The following PRELID2 variants were observed in gnomAD, a reference collection of about 807,000 sequenced individuals.
PRELID2 encodes PRELI domain-containing protein 2.
A neutral mutation model predicts 28.4 loss-of-function variants in PRELID2; 25 were observed. The observed-to-expected ratio is 0.88, with a 90% confidence interval of 0.64 to 1.23. The LOEUF (loss-of-function observed/expected upper bound fraction) is 1.23. PRELID2 is among the 50% of genes most tolerant of loss of function. The pLI, the probability that PRELID2 is intolerant of heterozygous loss-of-function variation, is 0.00. For synonymous variants in PRELID2, 76 were observed against 71.6 expected (o/e 1.06, Z -0.31); for missense variants, 201 against 214.4 (o/e 0.94, Z 0.39).
chr5:145,817,845 T>C, intron 4 of PRELID2, 49 bp downstream of exon 4: 1 of 1,443,666 alleles, frequency 6.9e-7, no homozygotes, highest in Non-Finnish European at 9.2e-7. Context: ...TGTACTCATG[T>C]GTCCATCCCT....
the PRELID2 span, among the ~76,000 whole-genome samples, chr5:145,246,772 C>G: frequency 6.6e-6 from 1 of 151,024 alleles, no homozygotes; most frequent in Admixed American, 6.6e-5. Context: ...TGAAACCTAA[C>G]CAACTCCATC....
chr5:145,544,096 G>T (rs1752766354), intron 1 of PRELID2, among the ~76,000 whole-genome samples: 1 of 151,940 alleles, frequency 6.6e-6, no homozygotes. Context: ...GGAAGGTGAG[G>T]GTCGGTGAGT....
chr5:145,437,770 G>C, the PRELID2 span, among the ~76,000 whole-genome samples: 1 of 152,036 alleles, frequency 6.6e-6, no homozygotes, highest in African/African-American at 2.4e-5. Flanking sequence ...TTAGAGATAA[G>C]AACCTAATAA....
chr5:145,311,125 T>C, the PRELID2 span, among the ~76,000 whole-genome samples: 1 of 152,204 alleles, frequency 6.6e-6, no homozygotes, highest in Non-Finnish European at 1.5e-5. Flanking sequence ...CTAAAGTATT[T>C]CTCATTTACT....
chr5:145,640,522 T>C (rs1754085904), intron 1 of PRELID2, among the ~76,000 whole-genome samples: 1 of 147,670 alleles, frequency 6.8e-6, no homozygotes, highest in Non-Finnish European at 1.5e-5. Context: ...CGGGCGCCTG[T>C]GCTTCCGGCT....
the PRELID2 span, among the ~76,000 whole-genome samples, chr5:145,295,358 G>A: frequency 1.3e-5 from 2 of 152,124 alleles, no homozygotes; most frequent in Non-Finnish European, 2.9e-5. Flanking sequence ...TTTCTAAGTA[G>A]GAGGGTGGTT....
intron 1 of PRELID2, among the ~76,000 whole-genome samples, chr5:145,668,410 A>G (rs1390696519): frequency 6.6e-6 from 1 of 151,898 alleles, no homozygotes; most frequent in Non-Finnish European, 1.5e-5. Flanking sequence ...GTACATTTGC[A>G]TGTCCCTATA....
chr5:145,499,566 G>T (rs528115863), intron 1 of PRELID2, among the ~76,000 whole-genome samples: 1 of 152,270 alleles, frequency 6.6e-6, no homozygotes, highest in Admixed American at 6.5e-5. Context: ...CAGGGGTCAG[G>T]CATCTATGCC....
intron 1 of PRELID2, among the ~76,000 whole-genome samples, chr5:145,656,693 A>G (rs1754402181): frequency 6.7e-6 from 1 of 148,592 alleles, no homozygotes; most frequent in Non-Finnish European, 1.5e-5. Flanking sequence ...ATAGGTGGAA[A>G]TTGAACAATG....
At chr5:145,357,954 GT>G in the PRELID2 span, among the ~76,000 whole-genome samples, 1 of 150,596 alleles carries the variant, frequency 6.6e-6, no homozygotes, top group East Asian at 2.0e-4. Context: ...GCCATTGGTT[GT>G]TTGGTTGTGG....
At chr5:145,766,817 G>A (rs1426192493) in intron 5 of PRELID2, among the ~76,000 whole-genome samples, 1 of 152,158 alleles carries the variant, frequency 6.6e-6, no homozygotes, top group Non-Finnish European at 1.5e-5. Context: ...AGAGCTAGAT[G>A]GGATTAGTGC....
chr5:145,301,718 A>G, the PRELID2 span, among the ~76,000 whole-genome samples: 5 of 152,116 alleles, frequency 3.3e-5, no homozygotes, highest in Non-Finnish European at 4.4e-5. Context: ...GTTTGATTAC[A>G]TTTGTTGAAA....
chr5:145,609,076 T>C (rs1391342355), intron 1 of PRELID2, among the ~76,000 whole-genome samples: 2 of 152,252 alleles, frequency 1.3e-5, no homozygotes, highest in Non-Finnish European at 2.9e-5. Flanking sequence ...AATTATATTA[T>C]GAAATTCTTG....
the PRELID2 span, among the ~76,000 whole-genome samples, chr5:145,243,049 A>T: frequency 1.3e-5 from 2 of 152,140 alleles, no homozygotes; most frequent in Non-Finnish European, 2.9e-5. Context: ...ATATAACAAA[A>T]TTGTAAATAA....
At position 145,827,553 on chromosome 5, in the gene PRELID2, G is replaced by A. The variant is rs960748558; in HGVS notation, c.76-4419C>T. Among the ~76,000 whole-genome samples, 5 of 152,126 alleles carry A rather than the reference G, an allele frequency of 3.3e-5. No individual in the cohort carries two copies. In the South Asian group the frequency reaches 8.3e-4, roughly 25 times the overall value. On this transcript the variant is annotated intron_variant, in intron 1 of 6. Transcript: ENST00000683046. ...ATCCTTCTGGCCAGGAAAAGCTATG[G>A]TTCCAAACAAAGGCCAACCAACAGC...
At chr5:145,732,968 T>C (rs1379196370) in intron 1 of PRELID2, among the ~76,000 whole-genome samples, 1 of 151,616 alleles carries the variant, frequency 6.6e-6, no homozygotes, top group Non-Finnish European at 1.5e-5. Context: ...AACACATTAT[T>C]TGTATAGGTG....
At chr5:145,412,658 TA>T in the PRELID2 span, among the ~76,000 whole-genome samples, 1 of 152,208 alleles carries the variant, frequency 6.6e-6, no homozygotes, top group African/African-American at 2.4e-5. Context: ...TACCCAGTTC[TA>T]AAACTGTTTA....
At chr5:145,329,184 T>C in the PRELID2 span, among the ~76,000 whole-genome samples, 1 of 152,210 alleles carries the variant, frequency 6.6e-6, no homozygotes, top group Non-Finnish European at 1.5e-5. Context: ...TGTAGGCTTG[T>C]AGTATCGTTT....
chr5:145,636,226 G>A (rs760684701), intron 1 of PRELID2, among the ~76,000 whole-genome samples: 2 of 152,022 alleles, frequency 1.3e-5, no homozygotes, highest in Non-Finnish European at 2.9e-5. Flanking sequence ...AAATTATATC[G>A]CTTAGGTCAC....
Sources: gnomAD v4.1 joint callset for allele counts (sites outside exome capture counted in the v4.1 genomes callset) on GRCh38, gnomAD v4.1.1 for gene constraint, MANE v1.5 for transcripts, NCBI Gene and HGNC (gene_info 2026-07-23, HGNC 2026-07-21) for gene names.